The following CSMD3 variants were observed in gnomAD, a reference collection of about 807,000 sequenced individuals.
CSMD3 encodes CUB and Sushi multiple domains 3, also known as CUB and sushi domain-containing protein 3.
In CSMD3, 177 loss-of-function variants were observed where a neutral mutation model predicts 435.2. That is an observed-to-expected ratio of 0.41 (90% CI 0.36 to 0.46). The LOEUF (loss-of-function observed/expected upper bound fraction) is 0.46. Among genes scored for constraint, CSMD3 ranks in the 20% least tolerant of loss-of-function variants. CSMD3 has a pLI of 0.34. For synonymous variants in CSMD3, 1,656 were observed against 1,520.5 expected (o/e 1.09, Z -2.07); for missense variants, 4,265 against 4,504.6 (o/e 0.95, Z 1.52).
intron 13 of CSMD3, among the ~76,000 whole-genome samples, chr8:112,698,427 A>T (rs1371088754): frequency 1.3e-5 from 2 of 151,322 alleles, no homozygotes; most frequent in Non-Finnish European, 2.9e-5. Context: ...AAAGCAATAA[A>T]GCTCTATAGA....
chr8:113,093,620 A>C (rs925948722), intron 5 of CSMD3, among the ~76,000 whole-genome samples: 14 of 152,072 alleles, frequency 9.2e-5, no homozygotes, highest in African/African-American at 3.4e-4. Flanking sequence ...GAATTAAGAA[A>C]ATTGGGGCAT....
chr8:112,456,702 G>A (rs754297837), intron 32 of CSMD3, among the ~76,000 whole-genome samples: 14 of 151,992 alleles, frequency 9.2e-5, no homozygotes, highest in Non-Finnish European at 2.1e-4. Context: ...TAGATGAGAT[G>A]TCAGAAAGAA....
intron 1 of CSMD3, among the ~76,000 whole-genome samples, chr8:113,427,944 C>G (rs905487904): frequency 1.3e-5 from 2 of 151,606 alleles, no homozygotes; most frequent in East Asian, 3.8e-4. Flanking sequence ...AAATTTTACT[C>G]AAGAGCCTCC....
chr8:113,228,235 A>T (rs1324401126), intron 3 of CSMD3, among the ~76,000 whole-genome samples: 2 of 151,640 alleles, frequency 1.3e-5, no homozygotes, highest in East Asian at 1.9e-4. Context: ...TAATTTGTTT[A>T]CACACCATAT....
At position 113,088,618 on chromosome 8, in the gene CSMD3, C is replaced by T. The variant is rs533960203; in HGVS notation, c.917+10138G>A. The stretch of plus-strand genomic sequence containing the variant: ...AGTAAACTATCCCAAGGACAAAAAA[C>T]GAAACACCGCATGTTCTCACTCATA... On this transcript the variant is annotated intron_variant, in intron 5 of 70. Transcript: ENST00000297405. Among the ~76,000 whole-genome samples the T allele has an allele frequency of 7.5e-3, 1,124 of 149,422 alleles. 9 individuals carry two copies. Among genetic ancestry groups the T allele is most frequent in the African/African-American group, 0.025 (1,019 of 40,492 alleles).
At chr8:112,625,763 T>G (rs2131536112) in intron 22 of CSMD3, among the ~76,000 whole-genome samples, 1 of 152,118 alleles carries the variant, frequency 6.6e-6, no homozygotes, top group Non-Finnish European at 1.5e-5. Flanking sequence ...GGGAGGTAAA[T>G]AATCCCCTAA....
At chr8:113,190,563 T>C (rs2092569681) in intron 3 of CSMD3, among the ~76,000 whole-genome samples, 1 of 151,810 alleles carries the variant, frequency 6.6e-6, no homozygotes, top group South Asian at 2.1e-4. Flanking sequence ...TTGAAGCCAT[T>C]GTAAGTATCT....
At chr8:113,349,199 T>C (rs1224677934) in intron 1 of CSMD3, among the ~76,000 whole-genome samples, 2 of 152,098 alleles carry the variant, frequency 1.3e-5, no homozygotes, top group Non-Finnish European at 2.9e-5. Context: ...TTTTATTTAC[T>C]CCATCTACCA....
rs550113753 is a variant in CSMD3, at chr8:112,952,286, C to T, written c.1420+2398G>A. On this transcript the variant is annotated intron_variant, in intron 8 of 70. Coordinates refer to ENST00000297405, the MANE Select transcript of CSMD3 (RefSeq NM_198123.2). ...GGTGCCATTATGAGACCTTTAAATA[C>T]ACACATACTTTGGCAGTTTGGGAAT... Among the ~76,000 whole-genome samples, 7 of 151,696 alleles carry T rather than the reference C, an allele frequency of 4.6e-5. No homozygotes were observed. The South Asian group carries it at 1.4e-3, about 31-fold the overall frequency.
intron 32 of CSMD3, among the ~76,000 whole-genome samples, chr8:112,420,799 C>T (rs1812411909): frequency 6.6e-6 from 1 of 152,124 alleles, no homozygotes; most frequent in Non-Finnish European, 1.5e-5. Flanking sequence ...CCTGGCCCCC[C>T]TAGCTCCTAC....
intron 10 of CSMD3, among the ~76,000 whole-genome samples, chr8:112,901,722 A>T (rs140876035): frequency 1.2e-3 from 179 of 151,434 alleles, no homozygotes; most frequent in African/African-American, 3.7e-3. Flanking sequence ...ACCAAAGACC[A>T]TTCTCAGCTG....
At chr8:112,895,529 C>T (rs953485594) in intron 10 of CSMD3, among the ~76,000 whole-genome samples, 2 of 151,210 alleles carry the variant, frequency 1.3e-5, no homozygotes, top group Admixed American at 6.6e-5. Context: ...TTAAAATACA[C>T]ATAAAGGAAA....
chr8:112,954,908 A>T (rs2083958189), intron 7 of CSMD3, 147 bp from the exon 8 acceptor site: 3 of 614,602 alleles, frequency 4.9e-6, no homozygotes. Context: ...AATTTTTTTT[A>T]AAGCAATATA....
chr8:112,679,537 C>T (rs1409619946), intron 16 of CSMD3, among the ~76,000 whole-genome samples: 2 of 152,092 alleles, frequency 1.3e-5, no homozygotes, highest in Non-Finnish European at 2.9e-5. Flanking sequence ...GGCTTATTGG[C>T]CTTTGTCAAG....
intron 11 of CSMD3, among the ~76,000 whole-genome samples, chr8:112,835,356 T>A (rs1382271202): frequency 1.3e-5 from 2 of 151,950 alleles, no homozygotes; most frequent in African/African-American, 4.8e-5. Context: ...TTAATACCCA[T>A]TAACATGAGT....
intron 13 of CSMD3, among the ~76,000 whole-genome samples, chr8:112,691,564 A>G (rs918364186): frequency 2.0e-5 from 3 of 152,012 alleles, no homozygotes; most frequent in Non-Finnish European, 4.4e-5. Flanking sequence ...GGCAACTTAT[A>G]AACATTAGAG....
At chr8:113,086,819 G>A (rs537638308) in intron 5 of CSMD3, among the ~76,000 whole-genome samples, 1 of 152,018 alleles carries the variant, frequency 6.6e-6, no homozygotes, top group African/African-American at 2.4e-5. Flanking sequence ...TGAAAATTGA[G>A]TTTTCAGTTT....
At position 113,069,979 on chromosome 8, in the gene CSMD3, C is replaced by T. The variant is rs2131399098; in HGVS notation, c.917+28777G>A. 1.3e-5 allele frequency among the ~76,000 whole-genome samples: 2 copies of T among 152,194 alleles called. 1 individual carries two copies. Among genetic ancestry groups the T allele is most frequent in the Middle Eastern group, 6.8e-3 (2 of 294 alleles). Reference sequence around the variant, plus strand: ...TCACTTTGTCTAACTGAGAAACACACCTTTGTTTACTAAGCCACTGAGATG... The same window carrying T: ...TCACTTTGTCTAACTGAGAAACACATCTTTGTTTACTAAGCCACTGAGATG... On this transcript the variant is annotated intron_variant, in intron 5 of 70. Coordinates refer to ENST00000297405, the MANE Select transcript of CSMD3 (RefSeq NM_198123.2).
chr8:112,788,151 A>G (rs989168460), intron 13 of CSMD3, among the ~76,000 whole-genome samples: 6 of 152,134 alleles, frequency 3.9e-5, no homozygotes, highest in Non-Finnish European at 7.4e-5. Context: ...ATGTTCTATG[A>G]TTCCCCTACT....
Sources: gnomAD v4.1 joint callset for allele counts (sites outside exome capture counted in the v4.1 genomes callset) on GRCh38, gnomAD v4.1.1 for gene constraint, MANE v1.5 for transcripts, NCBI Gene and HGNC (gene_info 2026-07-23, HGNC 2026-07-21) for gene names.